The following UGGT2 variants were observed in gnomAD, a reference collection of about 807,000 sequenced individuals.
The protein encoded by UGGT2 is UDP-glucose:glycoprotein glucosyltransferase 2.
A neutral mutation model predicts 192.1 loss-of-function variants in UGGT2; 180 were observed. That is an observed-to-expected ratio of 0.94 (90% CI 0.83 to 1.06). The LOEUF is 1.06. Ranked by LOEUF, UGGT2 falls within the 50% of genes least tolerant of loss-of-function variation. UGGT2 has a pLI of 0.00. For missense variants in UGGT2, 1,849 were observed against 1,795.7 expected, an observed-to-expected ratio of 1.03 and a Z score of -0.54; for synonymous variants, 580 against 591.0, an observed-to-expected ratio of 0.98 and a Z score of 0.27.
At chr13:95,912,773 T>C (rs1278960088) in intron 20 of UGGT2, among the ~76,000 whole-genome samples, 2 of 152,322 alleles carry the variant, frequency 1.3e-5, no homozygotes, top group East Asian at 3.9e-4. Flanking sequence ...ACAGCCTGCA[T>C]TGCCAAGACA....
At chr13:95,914,911 C>G (rs776780407) in intron 20 of UGGT2, among the ~76,000 whole-genome samples, 2 of 138,046 alleles carry the variant, frequency 1.4e-5, no homozygotes, top group African/African-American at 2.6e-5. Flanking sequence ...TTTTAACTGT[C>G]AAGAACATCA....
chr13:96,023,353 T>G (rs1451256533), intron 3 of UGGT2, among the ~76,000 whole-genome samples: 2 of 152,148 alleles, frequency 1.3e-5, no homozygotes, highest in Non-Finnish European at 2.9e-5. Flanking sequence ...AAAGACATGC[T>G]TCATAGTTAT....
chr13:95,866,971 T>C (rs1411939838), intron 30 of UGGT2, among the ~76,000 whole-genome samples: 3 of 152,132 alleles, frequency 2.0e-5, no homozygotes, highest in Admixed American at 2.0e-4. Context: ...GAATCTGCTA[T>C]CATTAAAAAC....
chr13:95,984,552 ACTC>A, intron 9 of UGGT2, among the ~76,000 whole-genome samples: 1 of 151,362 alleles, frequency 6.6e-6, no homozygotes, highest in African/African-American at 2.4e-5. Context: ...TTGGTCTAAA[ACTC>A]CTGGCCTCAA....
At position 95,890,885 on chromosome 13, in the gene UGGT2, G is replaced by C. The variant is rs2047781003; in HGVS notation, c.2935C>G (p.Gln979Glu). The change falls in exon 25 of 39, where the codon CAG (glutamine) becomes GAG (glutamate). Residue 979 changes from glutamine (Q) to glutamate (E), a missense_variant. Physicochemically the swap from Gln to Glu is conservative, Grantham distance 29. Coordinates refer to ENST00000376747, the MANE Select transcript of UGGT2 (RefSeq NM_020121.4). ...ACAACCAACAACTGTGCCATTTTCTGTGCTTCTCTTGTTAATGGATCAACA... is the reference window on the plus strand; with the variant it reads ...ACAACCAACAACTGTGCCATTTTCTCTGCTTCTCTTGTTAATGGATCAACA... ...AIVDPLTREA[Q>E]KMAQLLVVLG... The C allele has an allele frequency of 6.2e-7, 1 of 1,612,412 alleles. No individual in the cohort carries two copies.
chr13:95,943,206 A>C (rs932474200), intron 15 of UGGT2, among the ~76,000 whole-genome samples: 2 of 152,146 alleles, frequency 1.3e-5, no homozygotes, highest in Admixed American at 1.3e-4. Flanking sequence ...TAAATTTTAA[A>C]ATAAAACATC....
Position 95,925,791 on chromosome 13 carries a change from G to A in UGGT2, c.2201-17C>T. The A allele has an allele frequency of 6.7e-7, 1 of 1,491,318 alleles. No homozygotes were observed. Among genetic ancestry groups the A allele is most frequent in the Non-Finnish European group, 9.0e-7 (1 of 1,109,662 alleles). 92.4% of individuals were successfully genotyped at this position (1,491,318 alleles called of 1,614,324 possible). ...TACTCTCATCTGAAAGTTTCAAACAGTTTACTCAAATTAACTTTTTTTTTA... is the reference window on the plus strand; with the variant it reads ...TACTCTCATCTGAAAGTTTCAAACAATTTACTCAAATTAACTTTTTTTTTA... On this transcript the variant is annotated splice_polypyrimidine_tract_variant and intron_variant, in intron 19 of 38. Coordinates refer to ENST00000376747, the MANE Select transcript of UGGT2 (RefSeq NM_020121.4).
At chr13:95,972,852 G>T (rs759427539) in intron 10 of UGGT2, among the ~76,000 whole-genome samples, 181 bp from the exon 11 acceptor site, 2 of 152,170 alleles carry the variant, frequency 1.3e-5, no homozygotes, top group Non-Finnish European at 2.9e-5. Context: ...GTAAACAAAT[G>T]GACATTGCAA....
Position 95,947,174 on chromosome 13 carries a change from T to C in UGGT2, c.1542-2A>G. 6.3e-7 allele frequency: 1 copy of C among 1,590,826 alleles called. No homozygotes were observed. Among genetic ancestry groups the C allele is most frequent in the South Asian group, 1.2e-5 (1 of 86,326 alleles). On this transcript the variant is annotated splice_acceptor_variant, in intron 14 of 38. Transcript: ENST00000376747. LOFTEE classifies it high-confidence loss of function. ...TTAAGAATGAACACAAAACCAATTC[T>C]GGAAAAAGAAGATGAACAAGGACTG... is the stretch of plus-strand genomic sequence containing the variant.
chr13:96,034,174 G>A (rs2052928510), intron 1 of UGGT2, among the ~76,000 whole-genome samples: 2 of 152,094 alleles, frequency 1.3e-5, no homozygotes, highest in Non-Finnish European at 2.9e-5. Flanking sequence ...CATTCCAGGT[G>A]TCCTCTCCCA....
intron 20 of UGGT2, among the ~76,000 whole-genome samples, chr13:95,909,280 C>G (rs895411220): frequency 2.0e-5 from 3 of 152,016 alleles, no homozygotes; most frequent in Non-Finnish European, 2.9e-5. Context: ...ATGAATCATG[C>G]TGCTATAAAG....
At position 95,884,554 on chromosome 13, in the gene UGGT2, T is replaced by C; in HGVS notation, c.3165A>G (p.Pro1055=). 6.2e-7 allele frequency: 1 copy of C among 1,614,004 alleles called. No individual in the cohort carries two copies. The change falls in exon 27 of 39, where the codon CCA becomes CCG. Residue 1055 remains proline, a synonymous_variant. Transcript: ENST00000376747. ...GCACTGTTTCAACCAACCAGCCTTC[T>C]GGAGTAATCATGTTGAGGATTAGGA... ...SPLLILNMIT[P]EGWLVETVHS...
At chr13:95,904,448 C>G (rs1171807873) in intron 20 of UGGT2, among the ~76,000 whole-genome samples, 1 of 123,256 alleles carries the variant, frequency 8.1e-6, no homozygotes, top group Non-Finnish European at 1.7e-5. Context: ...TCCCCCCTCC[C>G]CCCCACCCCA....
At chr13:95,801,846 A>T (rs1448687843) in intron 38 of UGGT2, 34 bp from the exon 39 acceptor site, 1 of 1,612,086 alleles carries the variant, frequency 6.2e-7, no homozygotes, top group South Asian at 1.1e-5. Context: ...AGCTTCTGGC[A>T]TCTTAAACAT....
chr13:95,883,886 T>C (rs535395466), intron 27 of UGGT2, among the ~76,000 whole-genome samples: 30 of 152,198 alleles, frequency 2.0e-4, no homozygotes, highest in African/African-American at 6.5e-4. Flanking sequence ...TAATACTTTC[T>C]TTCTGTGCTG....
intron 17 of UGGT2, among the ~76,000 whole-genome samples, chr13:95,931,930 G>T (rs143090907): frequency 1.3e-5 from 2 of 151,926 alleles, no homozygotes; most frequent in African/African-American, 4.8e-5. Context: ...TGGCCAGAGC[G>T]GACGCCGAGG....
chr13:95,926,841 A>T (rs2049029551), intron 19 of UGGT2, among the ~76,000 whole-genome samples, 187 bp downstream of exon 19: 1 of 152,190 alleles, frequency 6.6e-6, no homozygotes, highest in Non-Finnish European at 1.5e-5. Flanking sequence ...AAGATAAACA[A>T]AGTTAGAATA....
chr13:95,895,543 T>C, intron 22 of UGGT2, among the ~76,000 whole-genome samples: 1 of 151,900 alleles, frequency 6.6e-6, no homozygotes, highest in African/African-American at 2.4e-5. Flanking sequence ...ATATAAAAAA[T>C]TAGCAAATTA....
At chr13:95,994,187 ACTC>A (rs1368247697) in intron 7 of UGGT2, among the ~76,000 whole-genome samples, 4 of 152,116 alleles carry the variant, frequency 2.6e-5, no homozygotes, top group African/African-American at 9.6e-5. Flanking sequence ...AACTTTATCA[ACTC>A]CTGTTTCTCT....
Sources: gnomAD v4.1 joint callset for allele counts (sites outside exome capture counted in the v4.1 genomes callset) on GRCh38, gnomAD v4.1.1 for gene constraint, MANE v1.5 for transcripts, NCBI Gene and HGNC (gene_info 2026-07-23, HGNC 2026-07-21) for gene names.